Variants in MARCHF1 observed in about 807,000 individuals in gnomAD.
MARCHF1 encodes the protein E3 ubiquitin-protein ligase MARCHF1.
A neutral mutation model predicts 54.2 loss-of-function variants in MARCHF1; 40 were observed. The ratio of observed to expected loss-of-function variants is 0.74; its 90% CI spans 0.57 to 0.96. MARCHF1 has a LOEUF of 0.96. Ranked by LOEUF, MARCHF1 falls within the 40% of genes least tolerant of loss-of-function variation. The pLI, the probability that MARCHF1 is intolerant of heterozygous loss-of-function variation, is 0.00. For synonymous variants in MARCHF1, 236 were observed against 236.3 expected (o/e 1.00, Z 0.01); for missense variants, 586 against 656.5 (o/e 0.89, Z 1.17).
chr4:164,238,257 C>G (rs1189650833), intron 1 of MARCHF1, among the ~76,000 whole-genome samples: 1 of 151,976 alleles, frequency 6.6e-6, no homozygotes, highest in Non-Finnish European at 1.5e-5. Context: ...ACTTGGGAAC[C>G]CATTCCTCTC....
rs535277537 is a variant in MARCHF1, at chr4:163,747,716, T to C, written c.112-46853A>G. On this transcript the variant is annotated intron_variant, in intron 4 of 9. Coordinates refer to ENST00000514618, the MANE Select transcript of MARCHF1 (RefSeq NM_001394959.1). ...AAAACTCACATAACAATAAATTAGA[T>C]GCCACTGATAAGAGAATTAGTTAGC... is the stretch of plus-strand genomic sequence containing the variant. Among the ~76,000 whole-genome samples, 3 of 152,292 alleles carry C rather than the reference T, an allele frequency of 2.0e-5. No homozygotes were observed. In the South Asian group the frequency reaches 6.2e-4, roughly 32 times the overall value.
intron 1 of MARCHF1, among the ~76,000 whole-genome samples, chr4:164,279,448 T>C (rs993190612): frequency 3.3e-5 from 5 of 151,514 alleles, no homozygotes; most frequent in African/African-American, 1.2e-4. Flanking sequence ...TGCCTACATA[T>C]ATGACATTTT....
At chr4:163,835,422 T>C (rs1310505626) in intron 4 of MARCHF1, among the ~76,000 whole-genome samples, 2 of 152,208 alleles carry the variant, frequency 1.3e-5, no homozygotes, top group Non-Finnish European at 2.9e-5. Context: ...CTGTACAACG[T>C]GAACTATAGC....
chr4:163,604,643 T>A (rs1053704902), intron 7 of MARCHF1, among the ~76,000 whole-genome samples: 2 of 152,090 alleles, frequency 1.3e-5, no homozygotes, highest in Admixed American at 6.6e-5. Context: ...CTGCAGAAAC[T>A]TTCTTTTTGT....
At chr4:164,356,458 C>A (rs1410925951) in intron 1 of MARCHF1, among the ~76,000 whole-genome samples, 1 of 124,000 alleles carries the variant, frequency 8.1e-6, no homozygotes, top group Non-Finnish European at 1.8e-5. Flanking sequence ...GAGTTCATGT[C>A]CTTTGTAGGG....
At chr4:163,752,553 A>C (rs1341872446) in intron 4 of MARCHF1, among the ~76,000 whole-genome samples, 1 of 152,190 alleles carries the variant, frequency 6.6e-6, no homozygotes, top group African/African-American at 2.4e-5. Flanking sequence ...AGCTTTAAGC[A>C]TTATTATTAT....
At chr4:163,866,821 G>A (rs1166907365) in intron 3 of MARCHF1, among the ~76,000 whole-genome samples, 1 of 151,750 alleles carries the variant, frequency 6.6e-6, no homozygotes, top group Non-Finnish European at 1.5e-5. Flanking sequence ...AAGGAATCAA[G>A]TTAGAACTAC....
At chr4:163,972,112 G>C (rs895777161) in intron 3 of MARCHF1, among the ~76,000 whole-genome samples, 1 of 152,036 alleles carries the variant, frequency 6.6e-6, no homozygotes, top group Non-Finnish European at 1.5e-5. Context: ...AAAACCAAGC[G>C]CTGCATGTTC....
chr4:163,785,698 T>A (rs568086678), intron 4 of MARCHF1, among the ~76,000 whole-genome samples: 15 of 151,996 alleles, frequency 9.9e-5, no homozygotes, highest in African/African-American at 3.6e-4. Context: ...ACCTGTCAAA[T>A]GATTAAAAGT....
intron 8 of MARCHF1, among the ~76,000 whole-genome samples, chr4:163,551,437 A>T (rs1368068570): frequency 6.6e-6 from 1 of 152,220 alleles, no homozygotes; most frequent in African/African-American, 2.4e-5. Flanking sequence ...ATGTATTTTA[A>T]AAGACCAGCA....
intron 1 of MARCHF1, among the ~76,000 whole-genome samples, chr4:164,173,981 T>TA (rs1263447453): frequency 3.6e-4 from 55 of 152,174 alleles, no homozygotes; most frequent in Middle Eastern, 3.2e-3. Context: ...CCAGGGAGGT[T>TA]AAAAAACAAA....
chr4:163,719,444 G>A (rs947617929), intron 4 of MARCHF1, among the ~76,000 whole-genome samples: 1 of 152,092 alleles, frequency 6.6e-6, no homozygotes, highest in African/African-American at 2.4e-5. Flanking sequence ...TGGACATTTG[G>A]GTTGGTTCCA....
intron 2 of MARCHF1, among the ~76,000 whole-genome samples, chr4:164,018,016 A>G (rs1455682340): frequency 1.3e-5 from 2 of 151,940 alleles, no homozygotes; most frequent in African/African-American, 4.8e-5. Flanking sequence ...CAGTCAATTG[A>G]TTTTTCTACA....
intron 4 of MARCHF1, among the ~76,000 whole-genome samples, chr4:163,768,607 T>A (rs113058158): frequency 0.027 from 4,092 of 152,312 alleles, 70 homozygotes; most frequent in Non-Finnish European, 0.029. Context: ...TGATTTTTTT[T>A]ATTAGGAAAT....
intron 1 of MARCHF1, among the ~76,000 whole-genome samples, chr4:164,340,405 TTATATATAGATA>T (rs1345538787): frequency 3.1e-5 from 3 of 95,648 alleles, no homozygotes; most frequent in East Asian, 3.9e-4. Flanking sequence ...AGGCCTTGAT[TTATATATAGATA>T]TATATATATA....
chr4:164,067,650 C>A (rs1000709558), intron 2 of MARCHF1, among the ~76,000 whole-genome samples: 1 of 152,112 alleles, frequency 6.6e-6, no homozygotes, highest in African/African-American at 2.4e-5. Flanking sequence ...TAGGAAATAC[C>A]CTTTTTTACA....
At chr4:163,801,971 G>A (rs1484346059) in intron 4 of MARCHF1, among the ~76,000 whole-genome samples, 8 of 151,934 alleles carry the variant, frequency 5.3e-5, no homozygotes, top group East Asian at 1.9e-4. Context: ...GGTGGGGAAC[G>A]CTAAATGTTT....
At chr4:163,797,341 G>A (rs1747946471) in intron 4 of MARCHF1, among the ~76,000 whole-genome samples, 1 of 68,924 alleles carries the variant, frequency 1.5e-5, no homozygotes, top group Non-Finnish European at 3.5e-5. Flanking sequence ...GTATGTGTGT[G>A]TGTGTGTGTT....
intron 9 of MARCHF1, among the ~76,000 whole-genome samples, chr4:163,541,608 T>G (rs758825457): frequency 9.2e-5 from 14 of 152,216 alleles, no homozygotes; most frequent in Non-Finnish European, 1.6e-4. Flanking sequence ...AACAACCATT[T>G]ACAGACATAT....
Sources: allele counts gnomAD v4.1 joint callset (sites outside exome capture counted in the v4.1 genomes callset), GRCh38; gene constraint gnomAD v4.1.1; transcripts MANE v1.5; gene names NCBI Gene and HGNC (gene_info 2026-07-23, HGNC 2026-07-21).